LAMA1: variants seen among roughly 807,000 people sequenced by gnomAD.
LAMA1 encodes the protein laminin subunit alpha 1.
Under a neutral mutation model 348.7 loss-of-function variants are expected in LAMA1, and 219 were observed. That is an observed-to-expected ratio of 0.63 (90% CI 0.56 to 0.70). LAMA1 has a LOEUF of 0.70. Ranked by LOEUF, LAMA1 falls within the 30% of genes least tolerant of loss-of-function variation. The probability of loss-of-function intolerance (pLI) is 0.00; values close to 1 mark genes in which losing one functional copy is unlikely to be tolerated. For synonymous variants in LAMA1, 1,487 were observed against 1,491.0 expected (o/e 1.00, Z 0.06); for missense variants, 3,744 against 3,888.0 (o/e 0.96, Z 0.99).
At chr18:7,104,801 C>T (rs769085599) in intron 1 of LAMA1, among the ~76,000 whole-genome samples, 5 of 152,242 alleles carry the variant, frequency 3.3e-5, no homozygotes, top group Non-Finnish European at 7.3e-5. Flanking sequence ...TTACATGCTA[C>T]ATTGGACTTC....
intron 3 of LAMA1, among the ~76,000 whole-genome samples, chr18:7,076,558 A>G (rs1332105180): frequency 6.6e-6 from 1 of 152,170 alleles, no homozygotes; most frequent in Non-Finnish European, 1.5e-5. Context: ...TGGTCTATTC[A>G]TATATTCAAT....
intron 1 of LAMA1, among the ~76,000 whole-genome samples, chr18:7,101,327 A>G (rs2058290409): frequency 6.6e-6 from 1 of 152,206 alleles, no homozygotes; most frequent in East Asian, 1.9e-4. Flanking sequence ...TGTGGCCTGA[A>G]ACTCACATCC....
intron 55 of LAMA1, 77 bp downstream of exon 55, chr18:6,958,400 G>A: frequency 1.3e-6 from 2 of 1,482,466 alleles, no homozygotes; most frequent in Non-Finnish European, 1.9e-6. Flanking sequence ...ACAGTACAAT[G>A]AGATTTCAGA....
At chr18:7,014,347 A>C (rs2057875665) in intron 22 of LAMA1, among the ~76,000 whole-genome samples, 2 of 152,224 alleles carry the variant, frequency 1.3e-5, no homozygotes, top group Non-Finnish European at 2.9e-5. Context: ...CAGGCCAGGC[A>C]CAGTGGTTCA....
At chr18:7,065,649 C>T (rs1028449467) in intron 3 of LAMA1, among the ~76,000 whole-genome samples, 9 of 152,198 alleles carry the variant, frequency 5.9e-5, no homozygotes, top group African/African-American at 1.9e-4. Context: ...ATGGCTGGAA[C>T]GGAGGAGGCA....
At chr18:7,095,977 G>A (rs541872603) in intron 1 of LAMA1, among the ~76,000 whole-genome samples, 9 of 152,180 alleles carry the variant, frequency 5.9e-5, no homozygotes, top group Non-Finnish European at 1.3e-4. Context: ...CTGAGGCAGG[G>A]GAATCGCTTG....
At chr18:7,081,088 T>C (rs1278050957) in intron 1 of LAMA1, among the ~76,000 whole-genome samples, 2 of 151,898 alleles carry the variant, frequency 1.3e-5, no homozygotes, top group East Asian at 1.9e-4. Flanking sequence ...GGAGTGTAAA[T>C]CAGTTCAGCC....
chr18:6,982,966 A>T (rs974289267), intron 40 of LAMA1, 133 bp downstream of exon 40: 1 of 1,185,762 alleles, frequency 8.4e-7, no homozygotes, highest in Non-Finnish European at 1.2e-6. Context: ...TCATATGATG[A>T]CAGAAGCCAG....
At chr18:6,943,078 A>G (rs1231355271) in intron 62 of LAMA1, 102 bp downstream of exon 62, 1 of 1,000,386 alleles carries the variant, frequency 1.0e-6, no homozygotes, top group East Asian at 2.5e-5. Context: ...TTGTCACCCA[A>G]ACCATGTACC....
At chr18:6,950,756 C>G in intron 58 of LAMA1, 26 bp downstream of exon 58, 2 of 1,612,608 alleles carry the variant, frequency 1.2e-6, no homozygotes, top group Non-Finnish European at 1.7e-6. Flanking sequence ...TCAGAAGCAG[C>G]CACCACAAGC....
In LAMA1 at chr18:6,948,509, G is replaced by C; in HGVS notation, c.8604C>G (p.Ser2868Arg). Residue 2868 changes from serine to arginine, a missense_variant, in exon 60 of 63, where the codon AGC (serine) becomes AGG (arginine). This residue lies in a region of LAMA1 where 1,983 missense variants were observed against 1,934.3 expected (regional missense o/e 1.03). Transcript: ENST00000389658. The stretch of plus-strand genomic sequence containing the variant: ...CCGGGCTGTCCTTGTCCAGCTGTTT[G>C]CTGTTAACCGTCACATCCCCAATGC... ...PACIGDVTVN[S>R]KQLDKDSPVS... The C allele has an allele frequency of 6.2e-7, 1 of 1,614,196 alleles. No homozygotes were observed. The highest frequency in any genetic ancestry group is 8.5e-7 in the Non-Finnish European group (1 of 1,180,044).
Position 6,966,258 on chromosome 18 carries a change from AC to A in LAMA1, c.6938del (p.Ser2313MetfsTer14), listed in dbSNP as rs1568010650. On this transcript the variant is annotated frameshift_variant, in exon 49 of 63. Coordinates refer to ENST00000389658, the MANE Select transcript of LAMA1 (RefSeq NM_005559.4). LOFTEE classifies it high-confidence loss of function. ...NEDPSFHFDG[S>X]GYSVVEKSLP... Reference sequence around the variant, plus strand: ...GTGACTTCTCCACGACAGAGTACCCACTCCCGTCAAAATGGAAGGAAGGGTC... The same window carrying A: ...GTGACTTCTCCACGACAGAGTACCCATCCCGTCAAAATGGAAGGAAGGGTC... 2 of 1,613,720 alleles carry A rather than the reference AC, an allele frequency of 1.2e-6. No individual in the cohort carries two copies. Among genetic ancestry groups the A allele is most frequent in the Non-Finnish European group, 8.5e-7 (1 of 1,179,950 alleles).
chr18:7,036,266 A>C (rs558394043), intron 12 of LAMA1, among the ~76,000 whole-genome samples, 178 bp from the exon 13 acceptor site: 1 of 152,372 alleles, frequency 6.6e-6, no homozygotes, highest in Admixed American at 6.5e-5. Context: ...ATTCATAAAC[A>C]TTTTGGTTAA....
chr18:6,978,200 C>A lies in LAMA1; in HGVS notation c.6186G>T (p.Met2062Ile), dbSNP rs1253836785. 2 of 1,614,238 alleles carry A rather than the reference C, an allele frequency of 1.2e-6. No homozygotes were observed. The highest frequency in any genetic ancestry group is 1.7e-6 in the Non-Finnish European group (2 of 1,180,044). Residue 2062 changes from methionine (M) to isoleucine (I), a missense_variant, in exon 43 of 63, where the codon ATG becomes ATT. By Grantham distance (10) the Met-to-Ile change is conservative. This residue lies in a region of LAMA1 where 1,983 missense variants were observed against 1,934.3 expected (regional missense o/e 1.03). Transcript: ENST00000389658. Reference sequence around the variant, plus strand: ...GAAGGAAGGGCGCTGACATACTGGCCATGGTGGAGTCCTGCAGAAGCTGGT... The same window carrying A: ...GAAGGAAGGGCGCTGACATACTGGCAATGGTGGAGTCCTGCAGAAGCTGGT... ...ETHQLLQDST[M>I]ATLLAGRKVK...
intron 3 of LAMA1, among the ~76,000 whole-genome samples, chr18:7,073,822 T>TTGTGTGTGTG (rs112415914): frequency 7.2e-6 from 1 of 139,808 alleles, no homozygotes; most frequent in African/African-American, 2.6e-5. Context: ...ACCATACTGG[T>TTGTGTGTGTG]TGTGTGTGTG....
intron 56 of LAMA1, 129 bp from the exon 57 acceptor site, chr18:6,955,594 T>G: frequency 1.4e-6 from 1 of 718,574 alleles, no homozygotes; most frequent in Non-Finnish European, 2.5e-6. Flanking sequence ...CCAGTGCCTG[T>G]TGGCGCTCAC....
At chr18:6,976,901 G>T (rs491088) in intron 44 of LAMA1, among the ~76,000 whole-genome samples, 30,620 of 152,052 alleles carry the variant, frequency 0.2, 3,847 homozygotes, top group African/African-American at 0.35. Context: ...TGAGCTACCA[G>T]GCCCAGCCTG....
chr18:6,959,777 A>T lies in LAMA1; in HGVS notation c.7627-285T>A, dbSNP rs1295916163. ...ATTGCTACATTAGATACCAATAAGT[A>T]GATATATTGTAATTTGTCTTTTTAT... On this transcript the variant is annotated intron_variant, in intron 53 of 62. Transcript: ENST00000389658. The T allele has an allele frequency of 2.9e-5, 11 of 378,796 alleles. No homozygotes were observed. In the East Asian group the frequency reaches 5.9e-4, roughly 20 times the overall value. The allele number at this position is 378,796 out of a possible 1,614,324, so 23.5% of individuals were successfully genotyped here.
intron 44 of LAMA1, 100 bp from the exon 45 acceptor site, chr18:6,976,180 G>A: frequency 8.4e-7 from 1 of 1,191,612 alleles, no homozygotes; most frequent in African/African-American, 1.5e-5. Context: ...TTTCACTGAG[G>A]CAGGTTTCCT....
Sources: allele counts gnomAD v4.1 joint callset (sites outside exome capture counted in the v4.1 genomes callset), GRCh38; gene constraint gnomAD v4.1.1; regional missense constraint gnomAD v4.1.1; transcripts MANE v1.5; gene names NCBI Gene and HGNC (gene_info 2026-07-23, HGNC 2026-07-21).